PTPRN2: variants seen among roughly 807,000 people sequenced by gnomAD.
PTPRN2 encodes the protein receptor-type tyrosine-protein phosphatase N2.
Under a neutral mutation model 118.8 loss-of-function variants are expected in PTPRN2, and 74 were observed. The ratio of observed to expected loss-of-function variants is 0.62; its 90% CI spans 0.52 to 0.76. PTPRN2 has a LOEUF of 0.76. Ranked by LOEUF, PTPRN2 falls within the 30% of genes least tolerant of loss-of-function variation. The probability of loss-of-function intolerance (pLI) is 0.00; values close to 1 mark genes in which losing one functional copy is unlikely to be tolerated. For synonymous variants in PTPRN2, 641 were observed against 608.0 expected (o/e 1.05, Z -0.80); for missense variants, 1,481 against 1,394.4 (o/e 1.06, Z -0.99).
intron 11 of PTPRN2, among the ~76,000 whole-genome samples, chr7:157,980,016 C>A (rs1803018402): frequency 1.3e-5 from 2 of 152,178 alleles, no homozygotes; most frequent in South Asian, 2.1e-4. Context: ...TACAAGGATC[C>A]CCCAAAAGCC....
At chr7:158,211,061 A>G (rs963313280) in intron 3 of PTPRN2, among the ~76,000 whole-genome samples, 4 of 152,216 alleles carry the variant, frequency 2.6e-5, no homozygotes, top group Non-Finnish European at 4.4e-5. Flanking sequence ...ACAATCGTCA[A>G]CTGTCCTGGG....
At chr7:157,860,650 A>G (rs1330554900) in intron 12 of PTPRN2, among the ~76,000 whole-genome samples, 2 of 152,262 alleles carry the variant, frequency 1.3e-5, no homozygotes, top group Non-Finnish European at 2.9e-5. Flanking sequence ...GCCTTTTAAT[A>G]TCTAATCTGG....
intron 16 of PTPRN2, among the ~76,000 whole-genome samples, chr7:157,601,480 G>T (rs1053335855): frequency 1.3e-5 from 2 of 152,044 alleles, no homozygotes; most frequent in African/African-American, 2.4e-5. Flanking sequence ...TGAAATAAAG[G>T]AAAGACACAA....
intron 12 of PTPRN2, among the ~76,000 whole-genome samples, chr7:157,860,893 G>A (rs758368833): frequency 1.3e-5 from 2 of 152,248 alleles, no homozygotes; most frequent in African/African-American, 2.4e-5. Context: ...AGTTTTTCAC[G>A]GAACTGACCA....
intron 11 of PTPRN2, among the ~76,000 whole-genome samples, chr7:157,985,947 C>T (rs1401959452): frequency 2.0e-5 from 3 of 152,188 alleles, no homozygotes; most frequent in Non-Finnish European, 4.4e-5. Context: ...TGACGAGACC[C>T]GGCCTCGCTT....
rs1799801491 is a variant in PTPRN2 at position 157,729,984 on chromosome 7, C to G, written c.1789-47047G>C. Among the ~76,000 whole-genome samples the G allele has an allele frequency of 6.6e-6, 1 of 152,218 alleles. No homozygotes were observed. The highest frequency in any genetic ancestry group is 1.9e-4 in the East Asian group (1 of 5,196). Reference sequence around the variant, plus strand: ...TCTTCTCTCCAGGGAGCAGAAACCACAAGATAGACATGGCCCATTGTGCTC... The same window carrying G: ...TCTTCTCTCCAGGGAGCAGAAACCAGAAGATAGACATGGCCCATTGTGCTC... On this transcript the variant is annotated intron_variant, in intron 12 of 22. Transcript: ENST00000389418. This position sits in a 1 kb window ranked among gnomAD's most constrained non-coding sequence, Gnocchi z 4.3.
chr7:157,959,972 C>T (rs1801417932), intron 11 of PTPRN2, among the ~76,000 whole-genome samples: 1 of 152,150 alleles, frequency 6.6e-6, no homozygotes. Flanking sequence ...AACATGTGGT[C>T]TATACACGGC....
intron 6 of PTPRN2, among the ~76,000 whole-genome samples, chr7:158,160,737 C>T (rs1248741376): frequency 3.3e-5 from 5 of 152,156 alleles, no homozygotes; most frequent in Non-Finnish European, 7.3e-5. Flanking sequence ...TGCTTTTATA[C>T]ATCTCCCTTC....
At chr7:157,597,376 T>C (rs1010540367) in intron 16 of PTPRN2, among the ~76,000 whole-genome samples, 3 of 152,182 alleles carry the variant, frequency 2.0e-5, no homozygotes, top group Admixed American at 1.3e-4. Context: ...TTTTGAAATA[T>C]GCATTTGTTG....
intron 3 of PTPRN2, among the ~76,000 whole-genome samples, chr7:158,315,957 C>T (rs991249858): frequency 2.0e-5 from 3 of 152,150 alleles, no homozygotes; most frequent in Non-Finnish European, 2.9e-5. Context: ...ACAAGGTGGT[C>T]GCGGTGGCAG....
At chr7:158,001,340 A>G (rs942836879) in intron 11 of PTPRN2, among the ~76,000 whole-genome samples, 1 of 82,618 alleles carries the variant, frequency 1.2e-5, no homozygotes, top group Non-Finnish European at 2.9e-5. Context: ...AGAGGGGACC[A>G]CACTCCACAC....
At chr7:158,150,462 C>CAG (rs1820866882) in intron 6 of PTPRN2, among the ~76,000 whole-genome samples, 2 of 152,200 alleles carry the variant, frequency 1.3e-5, no homozygotes, top group Admixed American at 1.3e-4. Flanking sequence ...ACTGACGCAG[C>CAG]AGGCGGATGT....
intron 12 of PTPRN2, among the ~76,000 whole-genome samples, chr7:157,708,830 C>T (rs1429177013): frequency 6.6e-6 from 1 of 152,160 alleles, no homozygotes; most frequent in Admixed American, 6.5e-5. Context: ...TCCTTTACAT[C>T]AAACATGAGA....
chr7:157,974,067 A>G lies in PTPRN2; in HGVS notation c.1724-75330T>C, dbSNP rs2043493. 0.79 allele frequency among the ~76,000 whole-genome samples: 120,130 copies of G among 152,200 alleles called. 47,757 individuals are homozygous for G. The highest frequency in any genetic ancestry group is 0.88 in the African/African-American group (36,653 of 41,556). On this transcript the variant is annotated intron_variant, in intron 11 of 22. Coordinates refer to ENST00000389418, the MANE Select transcript of PTPRN2 (RefSeq NM_002847.5). This position sits in a 1 kb window ranked among gnomAD's most constrained non-coding sequence, Gnocchi z 4.0. ...CGTTGGCGGGGTAGCAGGTGTGGCC[A>G]TAACATGGAGCACAGGCTGAGCTGC... is the stretch of plus-strand genomic sequence containing the variant.
chr7:158,507,052 G>A lies in PTPRN2; in HGVS notation c.113-17267C>T, dbSNP rs1256966002. 5.3e-5 allele frequency among the ~76,000 whole-genome samples: 8 copies of A among 152,236 alleles called. No individual in the cohort carries two copies. The East Asian group carries it at 1.5e-3, about 29-fold the overall frequency. On this transcript the variant is annotated intron_variant, in intron 1 of 22. Transcript: ENST00000389418. ...CATCAGGAGGTTACTGGGGGGAATG[G>A]GCTCTGAGCTAGGTTTGAAGGGTGG... is the stretch of plus-strand genomic sequence containing the variant.
chr7:158,210,237 G>A (rs556745232), intron 3 of PTPRN2, among the ~76,000 whole-genome samples: 11 of 144,752 alleles, frequency 7.6e-5, no homozygotes, highest in East Asian at 6.3e-4. Flanking sequence ...CCGGGTTCAC[G>A]CCATTCTCCT....
intron 13 of PTPRN2, among the ~76,000 whole-genome samples, chr7:157,673,889 T>A (rs1417411324): frequency 6.6e-6 from 1 of 150,472 alleles, no homozygotes; most frequent in African/African-American, 2.4e-5. Flanking sequence ...CACTGGGGAG[T>A]CCTTCACAAA....
chr7:158,184,583 C>G (rs2150671654), intron 5 of PTPRN2, among the ~76,000 whole-genome samples: 1 of 152,198 alleles, frequency 6.6e-6, no homozygotes, highest in Non-Finnish European at 1.5e-5. Context: ...ATGTGACAGG[C>G]AGTGGATCAC....
intron 14 of PTPRN2, among the ~76,000 whole-genome samples, chr7:157,654,203 A>C (rs1585180161): frequency 1.9e-5 from 1 of 52,830 alleles, no homozygotes; most frequent in African/African-American, 7.7e-5. Flanking sequence ...CCCCAACTCC[A>C]CACGACGCCT....
Sources: gnomAD v4.1 joint callset for allele counts (sites outside exome capture counted in the v4.1 genomes callset) on GRCh38, gnomAD v4.1.1 for gene constraint, Gnocchi (gnomAD v3.1) non-coding constraint, MANE v1.5 for transcripts, NCBI Gene and HGNC (gene_info 2026-07-23, HGNC 2026-07-21) for gene names.